GRID2: variants seen among roughly 807,000 people sequenced by gnomAD.
GRID2 encodes the protein glutamate ionotropic receptor delta type subunit 2.
Under a neutral mutation model 114.8 loss-of-function variants are expected in GRID2, and 33 were observed. That is an observed-to-expected ratio of 0.29 (90% confidence interval 0.22 to 0.38). GRID2 has a LOEUF of 0.38. GRID2 is among the 10% of genes least tolerant of loss of function. The pLI is 1.00. For missense variants in GRID2, 1,184 were observed against 1,257.7 expected (o/e 0.94, Z 0.89); for synonymous variants, 505 against 449.9 (o/e 1.12, Z -1.55).
intron 2 of GRID2, among the ~76,000 whole-genome samples, chr4:92,793,313 A>G (rs1033065495): frequency 6.6e-6 from 1 of 151,754 alleles, no homozygotes; most frequent in African/African-American, 2.4e-5. Flanking sequence ...AAATATTCCA[A>G]TGGATTTGCT....
rs145665298 is a variant in GRID2, at chr4:92,383,163, G to A, written c.88+78419G>A. Among the ~76,000 whole-genome samples, 313 of 151,920 alleles carry A rather than the reference G, an allele frequency of 2.1e-3. 1 individual carries two copies. The highest frequency in any genetic ancestry group is 1.4e-3 in the Non-Finnish European group (95 of 67,912). ...AAGGAGACTGTGCTAAATCATTCAT[G>A]AGGATTCCGCTCCCATGATCCAATC... On this transcript the variant is annotated intron_variant, in intron 1 of 15. Coordinates refer to ENST00000282020, the MANE Select transcript of GRID2 (RefSeq NM_001510.4).
rs1732227588 is a variant in GRID2, at chr4:92,427,710, T to A, written c.88+122966T>A. ...AATAGAGCGAATAGACCAAGTTATC[T>A]TGGTTTCAGTTGGTTAAGTTTAATT... On this transcript the variant is annotated intron_variant, in intron 1 of 15. Transcript: ENST00000282020. 4.6e-5 allele frequency among the ~76,000 whole-genome samples: 7 copies of A among 152,282 alleles called. No individual in the cohort carries two copies. The South Asian group carries it at 1.5e-3, about 32-fold the overall frequency.
intron 2 of GRID2, among the ~76,000 whole-genome samples, chr4:92,809,108 G>A (rs561263304): frequency 1.3e-5 from 2 of 151,878 alleles, no homozygotes; most frequent in Non-Finnish European, 2.9e-5. Flanking sequence ...TTGCTAAATT[G>A]TCTCTTCAAA....
chr4:92,531,412 G>T (rs1725348877), intron 1 of GRID2, among the ~76,000 whole-genome samples: 5 of 151,988 alleles, frequency 3.3e-5, no homozygotes, highest in Admixed American at 2.6e-4. Flanking sequence ...AGATGAGAAT[G>T]AAACCAACAA....
intron 2 of GRID2, among the ~76,000 whole-genome samples, chr4:92,650,233 G>T (rs1365462886): frequency 6.6e-6 from 1 of 151,990 alleles, no homozygotes; most frequent in Admixed American, 6.6e-5. Context: ...AAGTCATTCG[G>T]TTATAGCTGG....
chr4:93,632,957 G>T (rs1721066833), intron 14 of GRID2, among the ~76,000 whole-genome samples: 1 of 152,000 alleles, frequency 6.6e-6, no homozygotes, highest in African/African-American at 2.4e-5. Context: ...GGATTCCTAG[G>T]TATTTTATTC....
chr4:93,029,204 A>T (rs1227861847), intron 2 of GRID2, among the ~76,000 whole-genome samples: 1 of 152,122 alleles, frequency 6.6e-6, no homozygotes, highest in East Asian at 1.9e-4. Context: ...ATAGAAATAA[A>T]GAAAAACTTT....
At chr4:92,631,742 T>C (rs1213848603) in intron 2 of GRID2, among the ~76,000 whole-genome samples, 1 of 152,238 alleles carries the variant, frequency 6.6e-6, no homozygotes, top group African/African-American at 2.4e-5. Context: ...GCATGGAAAG[T>C]ATATTGAATA....
intron 2 of GRID2, among the ~76,000 whole-genome samples, chr4:92,907,699 C>T (rs1460813233): frequency 6.6e-6 from 1 of 152,100 alleles, no homozygotes; most frequent in Non-Finnish European, 1.5e-5. Context: ...CATGAGCCCC[C>T]ACACCTGGCC....
At chr4:92,883,136 A>G (rs1232096364) in intron 2 of GRID2, among the ~76,000 whole-genome samples, 1 of 152,186 alleles carries the variant, frequency 6.6e-6, no homozygotes, top group East Asian at 1.9e-4. Context: ...AACTCAATTT[A>G]TGTAATATTT....
intron 2 of GRID2, among the ~76,000 whole-genome samples, chr4:92,639,465 A>C (rs1361241211): frequency 6.6e-6 from 1 of 151,824 alleles, no homozygotes; most frequent in East Asian, 1.9e-4. Context: ...AATGAAAAAA[A>C]TGCTATAAAC....
intron 8 of GRID2, among the ~76,000 whole-genome samples, chr4:93,321,708 C>T (rs533214669): frequency 6.6e-6 from 1 of 151,632 alleles, no homozygotes; most frequent in Admixed American, 6.6e-5. Context: ...ATTATATTCT[C>T]TAGGTTTTCA....
chr4:93,402,065 C>T (rs1765950619), intron 9 of GRID2, among the ~76,000 whole-genome samples: 1 of 151,694 alleles, frequency 6.6e-6, no homozygotes, highest in African/African-American at 2.4e-5. Context: ...ACTTAATTTC[C>T]TCTTAATATA....
chr4:92,327,732 G>A (rs1210832854), intron 1 of GRID2, among the ~76,000 whole-genome samples: 1 of 151,858 alleles, frequency 6.6e-6, no homozygotes, highest in East Asian at 1.9e-4. Flanking sequence ...ATGTTTCAAT[G>A]TGTTTCTTCC....
intron 2 of GRID2, among the ~76,000 whole-genome samples, chr4:92,638,166 A>T (rs1205884348): frequency 6.6e-6 from 1 of 151,728 alleles, no homozygotes; most frequent in Non-Finnish European, 1.5e-5. Context: ...TTTATAGAAT[A>T]GGGGGATTAT....
At chr4:92,625,766 T>A (rs967855712) in intron 2 of GRID2, among the ~76,000 whole-genome samples, 4 of 151,984 alleles carry the variant, frequency 2.6e-5, no homozygotes, top group Admixed American at 1.3e-4. Flanking sequence ...CTAGCCTATA[T>A]TATTGTAAAA....
intron 8 of GRID2, among the ~76,000 whole-genome samples, chr4:93,267,255 T>A (rs1312664421): frequency 6.6e-6 from 1 of 152,060 alleles, no homozygotes; most frequent in East Asian, 1.9e-4. Flanking sequence ...GTTACATATG[T>A]ATACATGTGC....
At chr4:92,973,972 A>G (rs1753687359) in intron 2 of GRID2, among the ~76,000 whole-genome samples, 1 of 152,078 alleles carries the variant, frequency 6.6e-6, no homozygotes, top group Non-Finnish European at 1.5e-5. Context: ...AAATCTACAA[A>G]ACTTAAACAA....
At chr4:92,718,420 T>A (rs1276875906) in intron 2 of GRID2, among the ~76,000 whole-genome samples, 1 of 152,088 alleles carries the variant, frequency 6.6e-6, no homozygotes, top group Non-Finnish European at 1.5e-5. Flanking sequence ...TACAAAATTT[T>A]AAATATAGTT....
Sources: allele counts gnomAD v4.1 joint callset (sites outside exome capture counted in the v4.1 genomes callset), GRCh38; gene constraint gnomAD v4.1.1; transcripts MANE v1.5; gene names NCBI Gene and HGNC (gene_info 2026-07-23, HGNC 2026-07-21).